Variants in KLF3 observed in about 807,000 individuals in gnomAD.
KLF3 encodes Krueppel-like factor 3.
Under a neutral mutation model 32.7 loss-of-function variants are expected in KLF3, and 6 were observed. The observed-to-expected ratio is 0.18, with a 90% CI of 0.10 to 0.36. The LOEUF (loss-of-function observed/expected upper bound fraction) is 0.36, where lower values mean the gene tolerates loss of function less well. Among genes scored for constraint, KLF3 ranks in the 10% least tolerant of loss-of-function variants. KLF3 has a pLI of 1.00. For missense variants in KLF3, 338 were observed against 449.7 expected, an observed-to-expected ratio of 0.75 and a Z score of 2.25; for synonymous variants, 145 against 172.8, an observed-to-expected ratio of 0.84 and a Z score of 1.26.
rs761622672 is a variant in KLF3, at chr4:38,689,058, T to C, written c.531T>C (p.Ser177=). The change falls in exon 3 of 6, where the codon AGT becomes AGC. Residue 177 remains serine, a synonymous_variant. Coordinates refer to ENST00000261438, the MANE Select transcript of KLF3 (RefSeq NM_016531.6). The part of the protein sequence containing the change: ...VSLSEEMENS[S]SSMQVPVIES... ...TATCGGAGGAGATGGAAAATTCCAG[T>C]AGTAGCATGCAAGGTAAATTCCGCC... 6.2e-7 allele frequency: 1 copy of C among 1,613,282 alleles called. No homozygotes were observed. Among genetic ancestry groups the C allele is most frequent in the East Asian group, 2.2e-5 (1 of 44,858 alleles).
At chr4:38,695,605 C>T (rs138679765) in intron 5 of KLF3, among the ~76,000 whole-genome samples, 7 of 152,238 alleles carry the variant, frequency 4.6e-5, no homozygotes, top group East Asian at 1.9e-4. Flanking sequence ...GGTGCAGTGA[C>T]GTGCACCTGT....
intron 1 of KLF3, among the ~76,000 whole-genome samples, chr4:38,670,969 G>A (rs1007698740): frequency 6.6e-6 from 1 of 152,186 alleles, no homozygotes; most frequent in African/African-American, 2.4e-5. Context: ...AACCTGAAAA[G>A]GCATTTTGAA....
chr4:38,678,923 T>A (rs1579121874), intron 1 of KLF3, among the ~76,000 whole-genome samples: 1 of 152,234 alleles, frequency 6.6e-6, no homozygotes, highest in East Asian at 1.9e-4. Context: ...TTTCTGAAAG[T>A]GTGTCTAGTA....
At chr4:38,667,804 G>A (rs1722088447) in intron 1 of KLF3, among the ~76,000 whole-genome samples, 1 of 152,186 alleles carries the variant, frequency 6.6e-6, no homozygotes, top group Non-Finnish European at 1.5e-5. Flanking sequence ...GGTGGCTTCC[G>A]TGGATGGAGA....
intron 1 of KLF3, among the ~76,000 whole-genome samples, chr4:38,676,270 G>A (rs1465603248): frequency 2.6e-5 from 4 of 151,948 alleles, no homozygotes; most frequent in African/African-American, 7.3e-5. Flanking sequence ...GTGAAACCCC[G>A]TCTCTACTAA....
At chr4:38,691,024 G>A (rs796392945) in intron 4 of KLF3, among the ~76,000 whole-genome samples, 19 of 152,252 alleles carry the variant, frequency 1.2e-4, no homozygotes, top group African/African-American at 4.3e-4. Context: ...TCATCAGCAG[G>A]TAGGGAGAGA....
At chr4:38,677,878 A>AGT (rs56675939) in intron 1 of KLF3, among the ~76,000 whole-genome samples, 39,336 of 146,090 alleles carry the variant, frequency 0.27, 5,552 homozygotes, top group Non-Finnish European at 0.33. Context: ...GGGCAAAAGG[A>AGT]GTGTGTGTGT....
chr4:38,678,611 C>T (rs576853186), intron 1 of KLF3, among the ~76,000 whole-genome samples: 2 of 152,190 alleles, frequency 1.3e-5, no homozygotes, highest in Non-Finnish European at 2.9e-5. Context: ...AATGAATCAA[C>T]GAAGCACAAG....
chr4:38,683,337 T>G (rs1445478629), intron 2 of KLF3, among the ~76,000 whole-genome samples: 2 of 152,172 alleles, frequency 1.3e-5, no homozygotes, highest in Non-Finnish European at 2.9e-5. Context: ...TGTTTGTGCT[T>G]TTGCTATAGG....
rs1723151167 is a variant in KLF3, at chr4:38,699,827, T to G, written c.*2564T>G. 6.6e-6 allele frequency: 1 copy of G among 152,204 alleles called. No individual in the cohort carries two copies. Among genetic ancestry groups the G allele is most frequent in the Admixed American group, 6.5e-5 (1 of 15,284 alleles). 9.4% of individuals were successfully genotyped at this position (152,204 alleles called of 1,614,324 possible). A position where few individuals can be genotyped will look rare whatever the true frequency, so the allele number is the denominator to read the frequency against. On this transcript the variant is annotated 3_prime_UTR_variant, in exon 6 of 6. Transcript: ENST00000261438. ...TTACCAAACTTTTCTTATATATATA[T>G]TTGTATTTTACTATGATAGTTGAGA...
intron 1 of KLF3, among the ~76,000 whole-genome samples, chr4:38,673,521 C>T (rs1447123809): frequency 6.6e-6 from 1 of 152,152 alleles, no homozygotes; most frequent in East Asian, 1.9e-4. Context: ...GGTTGCCTGC[C>T]CTTAAAACTA....
intron 2 of KLF3, among the ~76,000 whole-genome samples, chr4:38,682,908 TG>T (rs1263968626): frequency 1.2e-4 from 18 of 150,762 alleles, no homozygotes; most frequent in African/African-American, 4.1e-4. Flanking sequence ...AAAATGAAGG[TG>T]TTTTTTTTTC....
chr4:38,676,899 CAT>C (rs1722369321), intron 1 of KLF3, among the ~76,000 whole-genome samples: 1 of 149,914 alleles, frequency 6.7e-6, no homozygotes, highest in African/African-American at 2.4e-5. Flanking sequence ...GGCAAATAAA[CAT>C]ACCCTTGTAA....
rs183492702 is a variant in KLF3, at chr4:38,697,346, T to C, written c.*83T>C. On this transcript the variant is annotated 3_prime_UTR_variant, in exon 6 of 6. Transcript: ENST00000261438. The stretch of plus-strand genomic sequence containing the variant: ...TGCCTCCCATTATCTAACACATTTT[T>C]TACATGTACATTTTAATTTGATTCA... 1 of 1,247,586 alleles carries C rather than the reference T, an allele frequency of 8.0e-7. No individual in the cohort carries two copies. The allele number at this position is 1,247,586 out of a possible 1,614,324, so 77.3% of individuals were successfully genotyped here. A position where few individuals can be genotyped will look rare whatever the true frequency, so the allele number is the denominator to read the frequency against.
At chr4:38,677,559 C>T (rs1306354474) in intron 1 of KLF3, among the ~76,000 whole-genome samples, 4 of 152,136 alleles carry the variant, frequency 2.6e-5, no homozygotes, top group South Asian at 2.1e-4. Flanking sequence ...AATTAGTGGT[C>T]GTAAAGCGTG....
intron 1 of KLF3, among the ~76,000 whole-genome samples, chr4:38,677,790 G>T (rs184709449): frequency 2.0e-5 from 3 of 152,176 alleles, no homozygotes. Flanking sequence ...TTTTTGCTCC[G>T]GAAGTTGGAA....
chr4:38,689,984 G>T, intron 4 of KLF3, 105 bp downstream of exon 4: 1 of 1,210,486 alleles, frequency 8.3e-7, no homozygotes, highest in South Asian at 1.6e-5. Context: ...GGATGACCAG[G>T]AACGGCTTGT....
At chr4:38,692,962 C>A (rs974279695) in intron 4 of KLF3, among the ~76,000 whole-genome samples, 5 of 151,160 alleles carry the variant, frequency 3.3e-5, no homozygotes, top group African/African-American at 1.2e-4. Flanking sequence ...GAACTTTTTT[C>A]TTTCTATTGA....
At chr4:38,683,096 T>C (rs1339631398) in intron 2 of KLF3, among the ~76,000 whole-genome samples, 3 of 152,208 alleles carry the variant, frequency 2.0e-5, no homozygotes, top group Non-Finnish European at 4.4e-5. Flanking sequence ...CCTGCCTTCA[T>C]AGGTGAAGTA....
Sources: allele counts gnomAD v4.1 joint callset (sites outside exome capture counted in the v4.1 genomes callset), GRCh38; gene constraint gnomAD v4.1.1; transcripts MANE v1.5; gene names NCBI Gene and HGNC (gene_info 2026-07-23, HGNC 2026-07-21).